The following SCTR variants were observed in gnomAD, a reference collection of about 807,000 sequenced individuals.
SCTR encodes the protein pancreatic secretin receptor.
A neutral mutation model predicts 60.8 loss-of-function variants in SCTR; 56 were observed. The ratio of observed to expected loss-of-function variants is 0.92; its 90% confidence interval spans 0.74 to 1.15. The LOEUF is 1.15. SCTR is among the 50% of genes most tolerant of loss of function. The pLI, the probability that SCTR is intolerant of heterozygous loss-of-function variation, is 0.00. For synonymous variants in SCTR, 202 were observed against 217.0 expected, an observed-to-expected ratio of 0.93 and a Z score of 0.61; for missense variants, 562 against 550.4, an observed-to-expected ratio of 1.02 and a Z score of -0.21.
chr2:119,523,430 A>ATTATTT (rs1679351905), intron 1 of SCTR, among the ~76,000 whole-genome samples: 1 of 145,948 alleles, frequency 6.9e-6, no homozygotes, highest in Non-Finnish European at 1.5e-5. Context: ...TATTATTATT[A>ATTATTT]TTATTATTAT....
intron 1 of SCTR, among the ~76,000 whole-genome samples, chr2:119,503,158 CAAA>C (rs61479294): frequency 0.018 from 1,249 of 69,588 alleles, 19 homozygotes; most frequent in African/African-American, 0.053. Flanking sequence ...GACTCCATCT[CAAA>C]AAAAAAAAAA....
chr2:119,494,305 G>A (rs1573900798), intron 2 of SCTR, 123 bp downstream of exon 2: 3 of 1,100,214 alleles, frequency 2.7e-6, no homozygotes, highest in East Asian at 5.3e-5. Context: ...CTGATTGTCT[G>A]AGTGAGAAAA....
intron 6 of SCTR, 91 bp downstream of exon 6, chr2:119,464,032 G>A: frequency 7.2e-7 from 1 of 1,384,970 alleles, no homozygotes; most frequent in South Asian, 1.2e-5. Flanking sequence ...AGGGGCTTGG[G>A]GGAAGGACAA....
Position 119,448,740 on chromosome 2 carries a change from A to C in SCTR, c.962T>G (p.Met321Arg). 1 of 1,604,336 alleles carries C rather than the reference A, an allele frequency of 6.2e-7. No homozygotes were observed. Among genetic ancestry groups the C allele is most frequent in the Non-Finnish European group, 8.5e-7 (1 of 1,171,122 alleles). ...ILFINILRIL[M>R]RKLRTQETRG... Reference sequence around the variant, plus strand: ...TGTTTCTTGGGTTCTAAGTTTTCTCATCAGGATTCTTAGAATGTTTATGAA... The same window carrying C: ...TGTTTCTTGGGTTCTAAGTTTTCTCCTCAGGATTCTTAGAATGTTTATGAA... The change falls in exon 10 of 13, where the codon ATG becomes AGG. Residue 321 changes from methionine to arginine, a missense_variant. Coordinates refer to ENST00000019103, the MANE Select transcript of SCTR (RefSeq NM_002980.3).
At chr2:119,496,217 A>G (rs1445389823) in intron 1 of SCTR, among the ~76,000 whole-genome samples, 1 of 151,990 alleles carries the variant, frequency 6.6e-6, no homozygotes, top group Non-Finnish European at 1.5e-5. Flanking sequence ...GTCAGCACAC[A>G]TGCTGTTCAG....
At chr2:119,463,983 ACTGGCTG>A in intron 6 of SCTR, 133 bp downstream of exon 6, 1 of 859,172 alleles carries the variant, frequency 1.2e-6, no homozygotes, top group South Asian at 1.5e-5. Flanking sequence ...CAGTGTCAGC[ACTGGCTG>A]CTTTATCCTT....
intron 3 of SCTR, 115 bp from the exon 4 acceptor site, chr2:119,473,671 G>A (rs1677132064): frequency 4.3e-6 from 3 of 703,662 alleles, no homozygotes; most frequent in East Asian, 2.7e-5. Context: ...GGAAACTGAG[G>A]CACACAGCAG....
intron 7 of SCTR, among the ~76,000 whole-genome samples, chr2:119,454,211 A>G (rs566007525): frequency 6.6e-6 from 1 of 152,264 alleles, no homozygotes; most frequent in African/African-American, 2.4e-5. Flanking sequence ...CTCTAGGGCC[A>G]GGGCACCCGG....
At chr2:119,508,905 C>T (rs370981998) in intron 1 of SCTR, among the ~76,000 whole-genome samples, 3 of 152,318 alleles carry the variant, frequency 2.0e-5, no homozygotes, top group East Asian at 3.9e-4. Context: ...TCATGTTGTA[C>T]ATCCATTGCG....
intron 1 of SCTR, among the ~76,000 whole-genome samples, chr2:119,509,305 C>T (rs1481472679): frequency 6.6e-6 from 1 of 152,208 alleles, no homozygotes; most frequent in Non-Finnish European, 1.5e-5. Context: ...GAAATAAACA[C>T]TTATTGCTGC....
At chr2:119,477,546 G>T (rs1356027956) in intron 3 of SCTR, among the ~76,000 whole-genome samples, 1 of 152,088 alleles carries the variant, frequency 6.6e-6, no homozygotes, top group Admixed American at 6.6e-5. Context: ...AGCCTCCCAG[G>T]TTCAAGTGAT....
At chr2:119,458,550 C>T (rs1312047802) in intron 7 of SCTR, among the ~76,000 whole-genome samples, 2 of 149,004 alleles carry the variant, frequency 1.3e-5, no homozygotes, top group Non-Finnish European at 3.0e-5. Flanking sequence ...GCAGTGAGCC[C>T]AGATTGCGCC....
intron 6 of SCTR, among the ~76,000 whole-genome samples, chr2:119,462,240 G>A (rs1683641860): frequency 6.6e-6 from 1 of 152,192 alleles, no homozygotes; most frequent in Admixed American, 6.5e-5. Flanking sequence ...AGCCATCATA[G>A]GAGCAGGAAC....
chr2:119,483,745 T>C (rs1677738313), intron 2 of SCTR, among the ~76,000 whole-genome samples: 1 of 152,240 alleles, frequency 6.6e-6, no homozygotes, highest in African/African-American at 2.4e-5. Flanking sequence ...CTAAGTTTTT[T>C]AAAAGTCCAT....
At position 119,524,179 on chromosome 2, in the gene SCTR, C is replaced by G. The variant is rs1476809951; in HGVS notation, c.48G>C (p.Val16=). 6.5e-7 allele frequency: 1 copy of G among 1,532,694 alleles called. No individual in the cohort carries two copies. 94.9% of individuals were successfully genotyped at this position (1,532,694 alleles called of 1,614,324 possible). ...CCGAGTGCGCGGCGCAGGCGAGCAG[C>G]ACCGGCAGTAGTAGCTGCTGCAGCG... The part of the protein sequence containing the change: ...SPPLQQLLLP[V]LLACAAHSTG... Residue 16 remains valine, a synonymous_variant, in exon 1 of 13, where the codon GTG becomes GTC. Coordinates refer to ENST00000019103, the MANE Select transcript of SCTR (RefSeq NM_002980.3).
At chr2:119,470,891 G>A (rs1331143661) in intron 4 of SCTR, among the ~76,000 whole-genome samples, 1 of 152,184 alleles carries the variant, frequency 6.6e-6, no homozygotes, top group African/African-American at 2.4e-5. Flanking sequence ...AGTAGAGACA[G>A]AGTTTCGCCA....
chr2:119,497,487 G>A (rs1678396685), intron 1 of SCTR, among the ~76,000 whole-genome samples: 1 of 152,094 alleles, frequency 6.6e-6, no homozygotes, highest in African/African-American at 2.4e-5. Flanking sequence ...ATTAACAGAT[G>A]CCAACACTGA....
chr2:119,460,896 T>C (rs1312340485), intron 7 of SCTR, among the ~76,000 whole-genome samples: 1 of 152,180 alleles, frequency 6.6e-6, no homozygotes, highest in Non-Finnish European at 1.5e-5. Context: ...CAAGGGTGTC[T>C]ATGAGATTCA....
At chr2:119,510,331 C>A (rs1263300900) in intron 1 of SCTR, among the ~76,000 whole-genome samples, 2 of 152,042 alleles carry the variant, frequency 1.3e-5, no homozygotes, top group Non-Finnish European at 2.9e-5. Context: ...TGTGTGGTGT[C>A]CACCAGTGTC....
Sources: gnomAD v4.1 joint callset for allele counts (sites outside exome capture counted in the v4.1 genomes callset) on GRCh38, gnomAD v4.1.1 for gene constraint, MANE v1.5 for transcripts, NCBI Gene and HGNC (gene_info 2026-07-23, HGNC 2026-07-21) for gene names.